RBM44: variants seen among roughly 807,000 people sequenced by gnomAD.
RBM44 encodes RNA-binding protein 44.
Under a neutral mutation model 105.1 loss-of-function variants are expected in RBM44, and 66 were observed. The observed-to-expected ratio is 0.63, with a 90% CI of 0.52 to 0.77. The LOEUF is 0.77. Ranked by LOEUF, RBM44 falls within the 30% of genes least tolerant of loss-of-function variation. RBM44 has a pLI of 0.00. For synonymous variants in RBM44, 365 were observed against 417.6 expected, an observed-to-expected ratio of 0.87 and a Z score of 1.54; for missense variants, 1,122 against 1,207.8, an observed-to-expected ratio of 0.93 and a Z score of 1.05.
chr2:237,824,734 A>T (rs981409278), intron 10 of RBM44, among the ~76,000 whole-genome samples: 1 of 152,178 alleles, frequency 6.6e-6, no homozygotes, highest in Non-Finnish European at 1.5e-5. Context: ...TACATGGTGA[A>T]TAAGACCAGC....
chr2:237,832,732 T>C (rs907132387), intron 13 of RBM44, among the ~76,000 whole-genome samples: 1 of 152,256 alleles, frequency 6.6e-6, no homozygotes, highest in Non-Finnish European at 1.5e-5. Context: ...TTATTATTTA[T>C]TCTATTCATT....
intron 1 of RBM44, among the ~76,000 whole-genome samples, chr2:237,808,766 A>G (rs1183258452): frequency 6.6e-6 from 1 of 152,208 alleles, no homozygotes; most frequent in East Asian, 1.9e-4. Context: ...AACATTTTCC[A>G]TATTATAAAT....
At chr2:237,829,091 C>T (rs2061878033) in intron 12 of RBM44, 126 bp from the exon 13 acceptor site, 2 of 656,438 alleles carry the variant, frequency 3.0e-6, no homozygotes, top group South Asian at 4.2e-5. Context: ...GTAAGTACAG[C>T]AACCTTTTTA....
At position 237,821,774 on chromosome 2, in the gene RBM44, C is replaced by G. The variant is rs140651509; in HGVS notation, c.2152C>G (p.Gln718Glu). ...AGAAGCAGATGCTGAACAAGATAATCAGAGGGCTCATGATGTTGATGTTTC... is the reference window on the plus strand; with the variant it reads ...AGAAGCAGATGCTGAACAAGATAATGAGAGGGCTCATGATGTTGATGTTTC... Reference protein sequence around the residue: ...FSEADAEQDNQRAHDVDVSSN... With the variant: ...FSEADAEQDNERAHDVDVSSN... The change falls in exon 8 of 16, where the codon CAG becomes GAG. Residue 718 changes from glutamine to glutamate, a missense_variant. Gln to Glu is a conservative substitution (Grantham distance 29). Around this residue, in one of 3 missense-constraint regions of RBM44, gnomAD observed 918 missense variants for 955.3 expected, o/e 0.96. Transcript: ENST00000316997. 3,389 of 1,611,042 alleles carry G rather than the reference C, an allele frequency of 2.1e-3. 12 individuals carry two copies. The highest frequency in any genetic ancestry group is 2.7e-3 in the Middle Eastern group (16 of 6,026).
At chr2:237,799,274 G>C (rs555786000) in intron 1 of RBM44, 1 of 152,424 alleles carries the variant, frequency 6.6e-6, no homozygotes, top group Admixed American at 6.5e-5. Context: ...AGTTCGTTCC[G>C]TACTCAGGCG....
Position 237,818,562 on chromosome 2 carries a change from A to G in RBM44, c.1643A>G (p.Asp548Gly). The G allele has an allele frequency of 1.3e-6, 2 of 1,562,372 alleles. No homozygotes were observed. Among genetic ancestry groups the G allele is most frequent in the Non-Finnish European group, 8.6e-7 (1 of 1,159,584 alleles). Residue 548 changes from aspartate (D) to glycine (G), a missense_variant, in exon 3 of 16, where the codon GAC becomes GGC. By Grantham distance (94) the Asp-to-Gly change is moderately conservative. This residue lies in a region of RBM44 where 918 missense variants were observed against 955.3 expected (regional missense o/e 0.96). Coordinates refer to ENST00000316997, the MANE Select transcript of RBM44 (RefSeq NM_001080504.3). The surrounding 1 kb of genome is among the most constrained non-coding windows in gnomAD (Gnocchi z 4.6). Reference protein sequence around the residue: ...TKGSGKSLSVDSLKPNGNFLN... With the variant: ...TKGSGKSLSVGSLKPNGNFLN... Reference sequence around the variant, plus strand: ...GGATCAGGAAAATCTCTCTCCGTTGACAGTTTAAAACCTAATGGAAATTTT... The same window carrying G: ...GGATCAGGAAAATCTCTCTCCGTTGGCAGTTTAAAACCTAATGGAAATTTT...
intron 10 of RBM44, 79 bp downstream of exon 10, chr2:237,824,498 T>G (rs2061828369): frequency 8.9e-7 from 1 of 1,125,326 alleles, no homozygotes; most frequent in African/African-American, 1.6e-5. Context: ...TGTGTTGTGT[T>G]GGGCAACTGA....
At chr2:237,800,774 T>G (rs2061537434) in intron 1 of RBM44, among the ~76,000 whole-genome samples, 1 of 150,198 alleles carries the variant, frequency 6.7e-6, no homozygotes, top group Admixed American at 6.7e-5. Flanking sequence ...TTTCCCAGGC[T>G]CGAGTGCAAT....
chr2:237,801,177 C>G (rs577908778), intron 1 of RBM44, among the ~76,000 whole-genome samples: 9 of 152,206 alleles, frequency 5.9e-5, no homozygotes, highest in Admixed American at 2.6e-4. Context: ...AAAAAGTTAT[C>G]CAGGCATGGT....
chr2:237,840,322 A>T (rs2062000202), intron 15 of RBM44, among the ~76,000 whole-genome samples: 1 of 152,054 alleles, frequency 6.6e-6, no homozygotes, highest in Admixed American at 6.6e-5. Flanking sequence ...TGGAGAAAGG[A>T]CTCCCTATTC....
chr2:237,839,091 G>A (rs1180163285), intron 15 of RBM44, among the ~76,000 whole-genome samples: 1 of 152,208 alleles, frequency 6.6e-6, no homozygotes, highest in Non-Finnish European at 1.5e-5. Flanking sequence ...CAAGTTCCTA[G>A]TTACCAGCCA....
rs754573219 is a variant in RBM44, at chr2:237,817,811, G to A, written c.892G>A (p.Val298Ile). The change falls in exon 3 of 16, where the codon GTA becomes ATA. Residue 298 changes from valine to isoleucine, a missense_variant. Physicochemically the swap from Val to Ile is conservative, Grantham distance 29 (BLOSUM62 3). This residue lies in a region of RBM44 where 918 missense variants were observed against 955.3 expected (regional missense o/e 0.96). Coordinates refer to ENST00000316997, the MANE Select transcript of RBM44 (RefSeq NM_001080504.3). ...SMYHTVFDGS[V>I]LRSNSPGNQE... Reference sequence around the variant, plus strand: ...GTACCACACTGTATTTGATGGCAGTGTACTAAGAAGCAATTCTCCAGGAAA... The same window carrying A: ...GTACCACACTGTATTTGATGGCAGTATACTAAGAAGCAATTCTCCAGGAAA... The A allele has an allele frequency of 1.2e-6, 2 of 1,612,222 alleles. No individual in the cohort carries two copies. Among genetic ancestry groups the A allele is most frequent in the Admixed American group, 1.7e-5 (1 of 59,668 alleles).
Position 237,834,371 on chromosome 2 carries a change from A to G in RBM44, c.3126A>G (p.Ser1042=), listed in dbSNP as rs761262484. Residue 1042 remains serine, a synonymous_variant, in exon 15 of 16, where the codon TCA becomes TCG. Coordinates refer to ENST00000316997, the MANE Select transcript of RBM44 (RefSeq NM_001080504.3). ...LSITTIVEMT[S]SLLKNSASS The stretch of plus-strand genomic sequence containing the variant: ...TTACTACTATTGTGGAGATGACTTC[A>G]TCTCTTCTGAAAAACTCTGCTTCCA... 7.2e-6 allele frequency: 11 copies of G among 1,536,562 alleles called. No individual in the cohort carries two copies. The African/African-American group carries it at 1.4e-4, about 19-fold the overall frequency.
At chr2:237,799,884 T>C (rs779492091) in intron 1 of RBM44, among the ~76,000 whole-genome samples, 9 of 151,726 alleles carry the variant, frequency 5.9e-5, no homozygotes, top group Non-Finnish European at 1.2e-4. Context: ...ATAAGGGAGG[T>C]GTCAAGGGCG....
intron 15 of RBM44, among the ~76,000 whole-genome samples, chr2:237,839,336 C>T (rs1030392943): frequency 3.3e-5 from 5 of 152,098 alleles, no homozygotes; most frequent in East Asian, 3.9e-4. Flanking sequence ...TACAATGGCG[C>T]GATCTCAGCT....
intron 9 of RBM44, 107 bp from the exon 10 acceptor site, chr2:237,824,184 A>C (rs2061823273): frequency 1.1e-6 from 1 of 922,180 alleles, no homozygotes; most frequent in Non-Finnish European, 1.5e-6. Flanking sequence ...TTTATACATA[A>C]AACTCTAGTA....
intron 1 of RBM44, among the ~76,000 whole-genome samples, chr2:237,810,160 G>T (rs1387410383): frequency 5.3e-5 from 8 of 152,154 alleles, no homozygotes; most frequent in Non-Finnish European, 7.4e-5. Context: ...TCTGGTATGT[G>T]TTTTACACCT....
intron 15 of RBM44, chr2:237,834,899 A>C (rs1358184890): frequency 1.3e-5 from 2 of 152,624 alleles, no homozygotes; most frequent in Admixed American, 6.5e-5. Flanking sequence ...AGAGAGAGAG[A>C]GCAAGATGGA....
chr2:237,827,499 T>C lies in RBM44; in HGVS notation c.2596T>C (p.Tyr866His). Reference protein sequence around the residue: ...SEISIYDSTNYRYASLAFTKN... With the variant: ...SEISIYDSTNHRYASLAFTKN... ...AATTTCAATTTATGATTCTACTAAT[T>C]ACAGGTGTGTTTCCCAACTTTAATC... The change falls in exon 12 of 16, where the codon TAC becomes CAC. Residue 866 changes from tyrosine (Y) to histidine (H), a missense_variant. Around this residue, in one of 3 missense-constraint regions of RBM44, gnomAD observed 194 missense variants for 225.5 expected, o/e 0.86. Coordinates refer to ENST00000316997, the MANE Select transcript of RBM44 (RefSeq NM_001080504.3). 2 of 1,482,530 alleles carry C rather than the reference T, an allele frequency of 1.3e-6. No homozygotes were observed. Among genetic ancestry groups the C allele is most frequent in the Non-Finnish European group, 1.8e-6 (2 of 1,086,930 alleles). 91.8% of individuals were successfully genotyped at this position (1,482,530 alleles called of 1,614,324 possible).
Sources: gnomAD v4.1 joint callset for allele counts (sites outside exome capture counted in the v4.1 genomes callset) on GRCh38, gnomAD v4.1.1 for gene constraint, gnomAD v4.1.1 regional missense constraint, Gnocchi (gnomAD v3.1) non-coding constraint, MANE v1.5 for transcripts, NCBI Gene and HGNC (gene_info 2026-07-23, HGNC 2026-07-21) for gene names.